NDUFS1: variants seen among roughly 807,000 people sequenced by gnomAD.
NDUFS1 encodes NADH-ubiquinone oxidoreductase 75 kDa subunit, mitochondrial.
A neutral mutation model predicts 84.4 loss-of-function variants in NDUFS1; 61 were observed. That is an observed-to-expected ratio of 0.72 (90% CI 0.59 to 0.89). The LOEUF (loss-of-function observed/expected upper bound fraction) is 0.89. Among genes scored for constraint, NDUFS1 ranks in the 40% least tolerant of loss-of-function variants. The pLI is 0.00. For synonymous variants in NDUFS1, 275 were observed against 290.0 expected (o/e 0.95, Z 0.53); for missense variants, 891 against 890.0 (o/e 1.00, Z -0.01).
intron 9 of NDUFS1, among the ~76,000 whole-genome samples, 161 bp downstream of exon 9, chr2:206,144,731 G>A (rs1375763836): frequency 1.3e-5 from 2 of 152,108 alleles, no homozygotes; most frequent in African/African-American, 4.8e-5. Flanking sequence ...GATTGACCTA[G>A]GACTATTAAA....
In NDUFS1 at chr2:206,120,143, C is replaced by T. The variant is rs1401702276; in HGVS notation, c.*4042G>A. On this transcript the variant is annotated 3_prime_UTR_variant, in exon 19 of 19. Transcript: ENST00000233190. ...TTCCTGAGGCCCTCATCAGAAGCAG[C>T]TGCTGGTGCCATGCTTTGTGTACAG... 6.6e-6 allele frequency: 1 copy of T among 152,374 alleles called. No homozygotes were observed. 9.4% of individuals were successfully genotyped at this position (152,374 alleles called of 1,614,324 possible). A position where few individuals can be genotyped will look rare whatever the true frequency, so the allele number is the denominator to read the frequency against.
chr2:206,144,368 C>CA (rs1017016138), intron 9 of NDUFS1, among the ~76,000 whole-genome samples: 1 of 151,868 alleles, frequency 6.6e-6, no homozygotes, highest in African/African-American at 2.4e-5. Flanking sequence ...TTAAATCATA[C>CA]AAAAAAAAGT....
In NDUFS1 at chr2:206,138,714, TA is replaced by T. The variant is rs4147729; in HGVS notation, c.1263-101del. ...ACATCTATTTACTATTACAAAATGT[TA>T]AAAGCACAGACAATACATTTAACAG... On this transcript the variant is annotated intron_variant, in intron 12 of 18. Transcript: ENST00000233190. 0.39 allele frequency: 496,639 copies of T among 1,262,440 alleles called. 102,233 individuals are homozygous for T. Among genetic ancestry groups the T allele is most frequent in the African/African-American group, 0.49 (33,364 of 67,642 alleles). 78.2% of individuals were successfully genotyped at this position (1,262,440 alleles called of 1,614,324 possible). A position where few individuals can be genotyped will look rare whatever the true frequency, so the allele number is the denominator to read the frequency against.
intron 1 of NDUFS1, among the ~76,000 whole-genome samples, chr2:206,157,367 C>T (rs1270845296): frequency 1.3e-5 from 2 of 152,130 alleles, no homozygotes; most frequent in African/African-American, 2.4e-5. Flanking sequence ...ATTTTAGTAC[C>T]TACCAGACTG....
In NDUFS1 at chr2:206,120,121, C is replaced by T. The variant is rs1255058485; in HGVS notation, c.*4064G>A. On this transcript the variant is annotated 3_prime_UTR_variant, in exon 19 of 19. Coordinates refer to ENST00000233190, the MANE Select transcript of NDUFS1 (RefSeq NM_005006.7). The stretch of plus-strand genomic sequence containing the variant: ...GCCTTCTACCATGATTGTAAGCTTC[C>T]TGAGGCCCTCATCAGAAGCAGCTGC... The T allele has an allele frequency of 6.6e-6, 1 of 152,340 alleles. No individual in the cohort carries two copies. Among genetic ancestry groups the T allele is most frequent in the East Asian group, 1.9e-4 (1 of 5,202 alleles). 9.4% of individuals were successfully genotyped at this position (152,340 alleles called of 1,614,324 possible).
chr2:206,155,087 G>A (rs1576001477), intron 1 of NDUFS1, among the ~76,000 whole-genome samples: 2 of 151,584 alleles, frequency 1.3e-5, no homozygotes, highest in Admixed American at 1.3e-4. Flanking sequence ...GCACAACCAT[G>A]CCAGGCTAAT....
rs1252522334 is a variant in NDUFS1, at chr2:206,138,502, T to A, written c.1375A>T (p.Ser459Cys). The change falls in exon 13 of 19, where the codon AGC (serine) becomes TGC (cysteine). Residue 459 changes from serine (S) to cysteine (C), a missense_variant. Ser to Cys is a moderately radical substitution (Grantham distance 112). Transcript: ENST00000233190. ...PKILQDIASG[S>C]HPFSQVLKEA... ...GAGAGCACCTGGCTAAATGGATGGC[T>A]TCCCGAAGCAATGTCTTGAAGAATT... is the stretch of plus-strand genomic sequence containing the variant. 6.2e-7 allele frequency: 1 copy of A among 1,614,072 alleles called. No individual in the cohort carries two copies. Among genetic ancestry groups the A allele is most frequent in the Non-Finnish European group, 8.5e-7 (1 of 1,179,944 alleles).
chr2:206,130,198 C>T lies in NDUFS1; in HGVS notation c.1598G>A (p.Gly533Glu). Residue 533 changes from glycine to glutamate, a missense_variant, in exon 15 of 19, where the codon GGG becomes GAG. Physicochemically the swap from Gly to Glu is moderately conservative, Grantham distance 98. Coordinates refer to ENST00000233190, the MANE Select transcript of NDUFS1 (RefSeq NM_005006.7). ...VAALDLGYKPGVEAIRKNPPK... is the reference protein window; with the variant it reads ...VAALDLGYKPEVEAIRKNPPK... ...AGGGTTCTTCCGAATTGCTTCCACC[C>T]CAGGCTTATAGCCAAGGTCCAAAGC... is the stretch of plus-strand genomic sequence containing the variant. 1 of 1,614,146 alleles carries T rather than the reference C, an allele frequency of 6.2e-7. No homozygotes were observed. Among genetic ancestry groups the T allele is most frequent in the Non-Finnish European group, 8.5e-7 (1 of 1,180,026 alleles).
At chr2:206,149,341 T>G (rs1005821565) in intron 4 of NDUFS1, among the ~76,000 whole-genome samples, 1 of 152,202 alleles carries the variant, frequency 6.6e-6, no homozygotes, top group Non-Finnish European at 1.5e-5. Context: ...TAATAGTCAA[T>G]GCAATTTTTT....
At chr2:206,131,012 A>C (rs892340061) in intron 14 of NDUFS1, among the ~76,000 whole-genome samples, 1 of 152,198 alleles carries the variant, frequency 6.6e-6, no homozygotes, top group Admixed American at 6.5e-5. Context: ...CTACGAATAT[A>C]TATTACTCTT....
At chr2:206,156,707 TA>T (rs1188117451) in intron 1 of NDUFS1, among the ~76,000 whole-genome samples, 1 of 152,230 alleles carries the variant, frequency 6.6e-6, no homozygotes, top group Non-Finnish European at 1.5e-5. Context: ...AAATTCTGCA[TA>T]CTTATCATAG....
chr2:206,146,046 G>A (rs7571807), intron 8 of NDUFS1, among the ~76,000 whole-genome samples: 3,996 of 152,174 alleles, frequency 0.026, 178 homozygotes, highest in African/African-American at 0.092. Flanking sequence ...TAATAGCTGG[G>A]CAAACTTGAA....
chr2:206,122,629 C>CATAAAAAAAAA lies in NDUFS1; in HGVS notation c.*1555_*1556insTTTTTTTTTAT, dbSNP rs1691132121. 1.3e-5 allele frequency: 1 copy of CATAAAAAAAAA among 75,570 alleles called. No individual in the cohort carries two copies. The highest frequency in any genetic ancestry group is 2.4e-5 in the Non-Finnish European group (1 of 42,054). 4.7% of individuals were successfully genotyped at this position (75,570 alleles called of 1,614,324 possible). On this transcript the variant is annotated 3_prime_UTR_variant, in exon 19 of 19. Coordinates refer to ENST00000233190, the MANE Select transcript of NDUFS1 (RefSeq NM_005006.7). The stretch of plus-strand genomic sequence containing the variant: ...TGGGTGACAGAGTAAGACTCCATCT[C>CATAAAAAAAAA]AAAAAAAAAAAAAAAACAAAGGGAA...
At chr2:206,129,407 C>A (rs563173481) in intron 15 of NDUFS1, among the ~76,000 whole-genome samples, 1 of 152,102 alleles carries the variant, frequency 6.6e-6, no homozygotes, top group African/African-American at 2.4e-5. Context: ...GGATCACAGA[C>A]ATGCAGCAAC....
chr2:206,116,749 C>G lies in NDUFS1; in HGVS notation c.*7436G>C. On this transcript the variant is annotated 3_prime_UTR_variant, in exon 19 of 19. Transcript: ENST00000233190. ...AATATTTTTAAAAATTAGCTGGGCG[C>G]GGTGGCTTACGCCTGTAATCCCAGC... 4.3e-6 allele frequency: 1 copy of G among 230,452 alleles called. No individual in the cohort carries two copies. Among genetic ancestry groups the G allele is most frequent in the Non-Finnish European group, 8.7e-6 (1 of 114,834 alleles). 14.3% of individuals were successfully genotyped at this position (230,452 alleles called of 1,614,324 possible).
At chr2:206,139,379 C>A (rs1691847781) in intron 12 of NDUFS1, among the ~76,000 whole-genome samples, 1 of 151,864 alleles carries the variant, frequency 6.6e-6, no homozygotes, top group African/African-American at 2.4e-5. Flanking sequence ...AGAAGGCAGG[C>A]TTTCACCATG....
At chr2:206,145,124 T>C in intron 8 of NDUFS1, 98 bp from the exon 9 acceptor site, 1 of 1,165,524 alleles carries the variant, frequency 8.6e-7, no homozygotes, top group Non-Finnish European at 1.2e-6. Flanking sequence ...ATTAATTCCC[T>C]TTCTGAATTA....
chr2:206,158,645 T>C (rs1687774110), intron 1 of NDUFS1, among the ~76,000 whole-genome samples: 1 of 152,238 alleles, frequency 6.6e-6, no homozygotes, highest in African/African-American at 2.4e-5. Context: ...ATAACTTGTT[T>C]ATTCATCAAA....
chr2:206,134,265 AAGG>A lies in NDUFS1; in HGVS notation c.1393-1163_1393-1161del, dbSNP rs1160403145. On this transcript the variant is annotated intron_variant, in intron 13 of 18. Coordinates refer to ENST00000233190, the MANE Select transcript of NDUFS1 (RefSeq NM_005006.7). ...GCAACACTGTAGAGTATTATATAGT[AAGG>A]AGATTTTCATCATTGAATTCAGGAT... is the stretch of plus-strand genomic sequence containing the variant. Among the ~76,000 whole-genome samples the A allele has an allele frequency of 8.3e-4, 126 of 152,380 alleles. 1 individual carries two copies. The highest frequency in any genetic ancestry group is 2.9e-3 in the African/African-American group (121 of 41,586).
Sources: allele counts gnomAD v4.1 joint callset (sites outside exome capture counted in the v4.1 genomes callset), GRCh38; gene constraint gnomAD v4.1.1; transcripts MANE v1.5; gene names NCBI Gene and HGNC (gene_info 2026-07-23, HGNC 2026-07-21).